NFU1: variants seen among roughly 807,000 people sequenced by gnomAD.
NFU1 encodes the protein NFU1 iron-sulfur cluster scaffold homolog, mitochondrial.
A neutral mutation model predicts 32.2 loss-of-function variants in NFU1; 30 were observed. That is an observed-to-expected ratio of 0.93 (90% CI 0.70 to 1.26). The LOEUF is 1.26. Among genes scored for constraint, NFU1 ranks in the 50% most tolerant of loss-of-function variants. The pLI, the probability that NFU1 is intolerant of heterozygous loss-of-function variation, is 0.00. For missense variants in NFU1, 306 were observed against 306.6 expected (o/e 1.00, Z 0.02); for synonymous variants, 112 against 104.6 (o/e 1.07, Z -0.43).
At chr2:69,401,558 T>C (rs946985465) in intron 6 of NFU1, among the ~76,000 whole-genome samples, 1 of 152,230 alleles carries the variant, frequency 6.6e-6, no homozygotes, top group Admixed American at 6.5e-5. Context: ...TTACAAATAG[T>C]GCAGTTATAA....
At chr2:69,402,691 C>T (rs1338370545) in intron 6 of NFU1, among the ~76,000 whole-genome samples, 1 of 152,076 alleles carries the variant, frequency 6.6e-6, no homozygotes, top group Non-Finnish European at 1.5e-5. Flanking sequence ...AAGGGATTCT[C>T]CTGCCTCAGC....
intron 4 of NFU1, among the ~76,000 whole-genome samples, chr2:69,418,717 C>A (rs1673142099): frequency 6.6e-6 from 1 of 151,938 alleles, no homozygotes; most frequent in Non-Finnish European, 1.5e-5. Context: ...GATCTGCCCA[C>A]CTCGGCCTCC....
At chr2:69,406,794 G>A (rs1672707985) in intron 5 of NFU1, among the ~76,000 whole-genome samples, 1 of 152,032 alleles carries the variant, frequency 6.6e-6, no homozygotes, top group South Asian at 2.1e-4. Context: ...TGGTTTGGCT[G>A]TGTCCCCAAC....
chr2:69,401,370 G>T (rs1294706223), intron 6 of NFU1, among the ~76,000 whole-genome samples: 1 of 152,144 alleles, frequency 6.6e-6, no homozygotes, highest in Non-Finnish European at 1.5e-5. Flanking sequence ...AAATCACGTA[G>T]AATTACTCTT....
chr2:69,407,153 C>T (rs893664668), intron 5 of NFU1, among the ~76,000 whole-genome samples: 6 of 152,050 alleles, frequency 3.9e-5, no homozygotes, highest in African/African-American at 7.2e-5. Flanking sequence ...CAGACTAATC[C>T]GGTTGCCCAA....
chr2:69,416,128 G>A (rs1269711716), intron 4 of NFU1: 1 of 150,820 alleles, frequency 6.6e-6, no homozygotes, highest in East Asian at 1.9e-4. Context: ...GAAAGGAAAG[G>A]AAAAGAAAAA....
At chr2:69,398,691 A>G (rs763317129) in intron 7 of NFU1, among the ~76,000 whole-genome samples, 55 of 152,166 alleles carry the variant, frequency 3.6e-4, no homozygotes, top group Non-Finnish European at 1.2e-4. Context: ...AGCGGGTAAC[A>G]ATGCAGGAAT....
intron 7 of NFU1, among the ~76,000 whole-genome samples, chr2:69,398,622 C>T (rs1327183742): frequency 1.3e-5 from 2 of 152,182 alleles, no homozygotes; most frequent in Non-Finnish European, 2.9e-5. Context: ...TTCAATTGTC[C>T]TACACATATC....
chr2:69,406,106 C>T, intron 5 of NFU1, 24 bp from the exon 6 acceptor site: 1 of 1,431,860 alleles, frequency 7.0e-7, no homozygotes, highest in Non-Finnish European at 9.8e-7. Flanking sequence ...CATATAAAAA[C>T]ATCAAGAGTA....
chr2:69,424,104 G>A (rs750492153), intron 2 of NFU1, among the ~76,000 whole-genome samples: 6 of 143,830 alleles, frequency 4.2e-5, no homozygotes, highest in East Asian at 2.1e-4. Context: ...CCTGCGAGGC[G>A]GAGGTTGCAG....
chr2:69,429,818 C>CA, intron 2 of NFU1: 1 of 155,504 alleles, frequency 6.4e-6, no homozygotes, highest in Non-Finnish European at 1.4e-5. Context: ...TACTTGAGCT[C>CA]TGGAGTTCAA....
chr2:69,403,267 AAAC>A (rs1672585541), intron 6 of NFU1, among the ~76,000 whole-genome samples: 1 of 152,170 alleles, frequency 6.6e-6, no homozygotes, highest in Non-Finnish European at 1.5e-5. Flanking sequence ...TTTGTTCATC[AAAC>A]TACTGTCATT....
chr2:69,421,562 C>CT (rs763705011), intron 3 of NFU1, among the ~76,000 whole-genome samples: 30,343 of 71,032 alleles, frequency 0.43, 8,333 homozygotes, highest in African/African-American at 0.52. Context: ...ATCATTTGTG[C>CT]TTTTTTTTTT....
chr2:69,437,574 G>A, upstream of NFU1: 1 of 909,304 alleles, frequency 1.1e-6, no homozygotes, highest in Non-Finnish European at 1.7e-6. Context: ...CCTACGCGCC[G>A]AGGTTTGCAG....
At chr2:69,423,432 T>TA (rs1553401135) in intron 3 of NFU1, 150 bp downstream of exon 3, 2 of 707,380 alleles carry the variant, frequency 2.8e-6, no homozygotes, top group Non-Finnish European at 4.6e-6. Context: ...ATTTTTTTTT[T>TA]AATCTCTCAT....
chr2:69,415,858 G>A (rs1423611636), intron 4 of NFU1, among the ~76,000 whole-genome samples: 1 of 152,096 alleles, frequency 6.6e-6, no homozygotes, highest in East Asian at 1.9e-4. Flanking sequence ...GTCAGGTGTG[G>A]TAGTTCATGC....
intron 5 of NFU1, among the ~76,000 whole-genome samples, chr2:69,411,901 T>A (rs1672893136): frequency 6.6e-6 from 1 of 152,098 alleles, no homozygotes; most frequent in Non-Finnish European, 1.5e-5. Flanking sequence ...CCCAGAATAT[T>A]TTTTAAAAAC....
In NFU1 at chr2:69,406,067, T is replaced by C; in HGVS notation, c.500A>G (p.Asp167Gly). 1 of 1,592,940 alleles carries C rather than the reference T, an allele frequency of 6.3e-7. No homozygotes were observed. The highest frequency in any genetic ancestry group is 8.6e-7 in the Non-Finnish European group (1 of 1,162,026). Reference protein sequence around the residue: ...PSGEAGSEEDDEVVAMIKELL... With the variant: ...PSGEAGSEEDGEVVAMIKELL... ...TTCCTTAATCATTGCCACAACTTCA[T>C]CATCTTCTTCAGATCCTAGAAATAA... is the stretch of plus-strand genomic sequence containing the variant. The change falls in exon 6 of 8, where the codon GAT becomes GGT. Residue 167 changes from aspartate to glycine, a missense_variant. By Grantham distance (94) the Asp-to-Gly change is moderately conservative. Coordinates refer to ENST00000410022, the MANE Select transcript of NFU1 (RefSeq NM_001002755.4).
At chr2:69,437,699 T>C (rs1673906566), upstream of NFU1, 12 of 566,610 alleles carry the variant, frequency 2.1e-5, no homozygotes, top group South Asian at 2.4e-4. Context: ...TTGTTTTCCC[T>C]GTTGGCTAGG....
Sources: gnomAD v4.1 joint callset for allele counts (sites outside exome capture counted in the v4.1 genomes callset) on GRCh38, gnomAD v4.1.1 for gene constraint, MANE v1.5 for transcripts, NCBI Gene and HGNC (gene_info 2026-07-23, HGNC 2026-07-21) for gene names.